DUSP11: variants seen among roughly 807,000 people sequenced by gnomAD.
DUSP11 encodes dual specificity phosphatase 11.
A neutral mutation model predicts 41.4 loss-of-function variants in DUSP11; 27 were observed. That is an observed-to-expected ratio of 0.65 (90% confidence interval 0.48 to 0.90). DUSP11 has a LOEUF of 0.90. Ranked by LOEUF, DUSP11 falls within the 40% of genes least tolerant of loss-of-function variation. The pLI, the probability that DUSP11 is intolerant of heterozygous loss-of-function variation, is 0.00. For synonymous variants in DUSP11, 188 were observed against 159.3 expected (o/e 1.18, Z -1.35); for missense variants, 465 against 461.1 (o/e 1.01, Z -0.08).
chr2:73,779,601 T>C (rs1672754034), intron 1 of DUSP11: 1 of 527,240 alleles, frequency 1.9e-6, no homozygotes, highest in Non-Finnish European at 3.4e-6. Context: ...TCCCCAACAG[T>C]AACAGTCCCA....
At chr2:73,775,646 G>C (rs915664369) in intron 2 of DUSP11, among the ~76,000 whole-genome samples, 4 of 150,372 alleles carry the variant, frequency 2.7e-5, no homozygotes, top group Non-Finnish European at 5.9e-5. Flanking sequence ...ACAAGGTCAG[G>C]AGATCGAGAC....
intron 4 of DUSP11, chr2:73,773,549 T>C (rs75138383): frequency 5.0e-6 from 2 of 401,478 alleles, no homozygotes; most frequent in Non-Finnish European, 9.2e-6. Flanking sequence ...ATATTTCTCA[T>C]TCAAATTAAA....
At chr2:73,767,420 AT>A (rs1672486366) in intron 5 of DUSP11, 2 of 428,844 alleles carry the variant, frequency 4.7e-6, no homozygotes, top group Admixed American at 4.0e-5. Flanking sequence ...CAGAAAATCT[AT>A]TTATATATTT....
exon 9 of DUSP11, chr2:73,762,669 T>A: frequency 1.2e-6 from 2 of 1,611,470 alleles, no homozygotes; most frequent in Non-Finnish European, 1.7e-6. Context: ...TATCACTGGG[T>A]CCATTCCCAA....
intron 8 of DUSP11, among the ~76,000 whole-genome samples, chr2:73,765,555 CCCATCCACCCAT>C (rs1303868845): frequency 4.6e-5 from 7 of 151,052 alleles, no homozygotes; most frequent in Admixed American, 6.6e-5. Context: ...CATCCACCCA[CCCATCCACCCAT>C]CCATCTATCC....
At chr2:73,764,011 C>T (rs991973549) in intron 8 of DUSP11, among the ~76,000 whole-genome samples, 2 of 152,178 alleles carry the variant, frequency 1.3e-5, no homozygotes, top group African/African-American at 4.8e-5. Flanking sequence ...ACAAATAATG[C>T]TGGGATTAAC....
intron 3 of DUSP11, among the ~76,000 whole-genome samples, chr2:73,774,128 AATAG>A (rs1206382248): frequency 1.3e-5 from 2 of 152,244 alleles, no homozygotes; most frequent in Non-Finnish European, 2.9e-5. Flanking sequence ...AAAACTACAT[AATAG>A]ATAGTCACTA....
intron 8 of DUSP11, among the ~76,000 whole-genome samples, chr2:73,765,542 TCCCATCCACCCA>T (rs1672444132): frequency 6.6e-6 from 1 of 151,732 alleles, no homozygotes; most frequent in Admixed American, 6.6e-5. Flanking sequence ...AAGCTCCTCC[TCCCATCCACCCA>T]CCCATCCACC....
intron 4 of DUSP11, among the ~76,000 whole-genome samples, chr2:73,771,390 T>C (rs1672569696): frequency 6.6e-6 from 1 of 152,222 alleles, no homozygotes; most frequent in African/African-American, 2.4e-5. Context: ...GGCAAAATTC[T>C]CATCCCTGCA....
intron 6 of DUSP11, 73 bp downstream of exon 6, chr2:73,767,088 T>A (rs1174132368): frequency 3.4e-6 from 5 of 1,476,706 alleles, no homozygotes; most frequent in Non-Finnish European, 4.7e-6. Context: ...TTTTCCAAAA[T>A]TTGATAAATT....
At chr2:73,778,608 A>T (rs1410886792) in intron 1 of DUSP11, among the ~76,000 whole-genome samples, 1 of 152,136 alleles carries the variant, frequency 6.6e-6, no homozygotes, top group Non-Finnish European at 1.5e-5. Flanking sequence ...GTACAACTCA[A>T]ATAAGGCCTA....
chr2:73,762,857 T>G (rs1172581102), exon 9 of DUSP11: 3 of 1,564,464 alleles, frequency 1.9e-6, no homozygotes, highest in Non-Finnish European at 2.6e-6. Flanking sequence ...CTCTGAAAAT[T>G]TTCTTAAAGC....
intron 2 of DUSP11, among the ~76,000 whole-genome samples, chr2:73,776,788 T>C (rs1220716975): frequency 2.6e-5 from 4 of 152,256 alleles, no homozygotes; most frequent in Non-Finnish European, 5.9e-5. Context: ...TAACCATCTA[T>C]TCTCTGAGCT....
At chr2:73,768,516 T>C (rs996905644) in intron 5 of DUSP11, 12 of 985,310 alleles carry the variant, frequency 1.2e-5, no homozygotes, top group African/African-American at 5.2e-5. Flanking sequence ...AGAAATTCTA[T>C]TTTGAGTGAA....
chr2:73,762,788 T>G lies in DUSP11; in HGVS notation c.1007A>C (p.Tyr336Ser), dbSNP rs79821643. The G allele has an allele frequency of 3.8e-5, 62 of 1,613,470 alleles. No homozygotes were observed. In the East Asian group the frequency reaches 1.4e-3, roughly 35 times the overall value. ...ATTCCAAGAATACCTCCTGTGTGAA[T>G]AGTCCTCTCCAGGGGGACCAGGAGG... Residue 336 changes from tyrosine (Y) to serine (S), a missense_variant, in exon 9 of 9, where the codon TAT becomes TCT. Tyr to Ser is a moderately radical substitution (Grantham distance 144). Coordinates refer to ENST00000272444, the Ensembl canonical transcript of DUSP11.
intron 2 of DUSP11, 95 bp from the exon 3 acceptor site, chr2:73,775,139 G>A: frequency 9.5e-7 from 1 of 1,058,074 alleles, no homozygotes; most frequent in Non-Finnish European, 1.3e-6. Flanking sequence ...CATACAACGA[G>A]ATTCAAAGGA....
intron 5 of DUSP11, 56 bp downstream of exon 5, chr2:73,769,209 A>ATTGTAAAG (rs1672527386): frequency 2.0e-6 from 3 of 1,476,106 alleles, no homozygotes; most frequent in African/African-American, 1.4e-5. Flanking sequence ...TTACATTACC[A>ATTGTAAAG]TTGTAAACAG....
At chr2:73,770,732 C>T (rs960689214) in intron 4 of DUSP11, among the ~76,000 whole-genome samples, 1 of 152,106 alleles carries the variant, frequency 6.6e-6, no homozygotes, top group African/African-American at 2.4e-5. Flanking sequence ...CCTTCATAAA[C>T]TGGTATCAAT....
intron 5 of DUSP11, chr2:73,768,765 G>A (rs966042032): frequency 7.3e-6 from 4 of 545,184 alleles, no homozygotes; most frequent in Non-Finnish European, 9.3e-6. Context: ...GACCATCCTG[G>A]CTAACACGGT....
Sources: allele counts gnomAD v4.1 joint callset (sites outside exome capture counted in the v4.1 genomes callset), GRCh38; gene constraint gnomAD v4.1.1; transcripts MANE v1.5; gene names NCBI Gene and HGNC (gene_info 2026-07-23, HGNC 2026-07-21).